Variants in SLC25A48 observed in about 807,000 individuals in gnomAD.
The protein encoded by SLC25A48 is CTC-321K16.1.
SLC25A48 carries 29 observed loss-of-function variants against 32.2 expected under a neutral mutation model. That is an observed-to-expected ratio of 0.90 (90% CI 0.67 to 1.23). The LOEUF (loss-of-function observed/expected upper bound fraction) is 1.23, where lower values mean the gene tolerates loss of function less well. Ranked by LOEUF, SLC25A48 falls within the 50% of genes most tolerant of loss-of-function variation. The pLI, the probability that SLC25A48 is intolerant of heterozygous loss-of-function variation, is 0.00. For synonymous variants in SLC25A48, 164 were observed against 172.3 expected, an observed-to-expected ratio of 0.95 and a Z score of 0.38; for missense variants, 399 against 422.7, an observed-to-expected ratio of 0.94 and a Z score of 0.49.
intron 3 of SLC25A48, among the ~76,000 whole-genome samples, chr5:135,767,108 G>T (rs1469718674): frequency 1.5e-5 from 2 of 136,768 alleles, no homozygotes; most frequent in Non-Finnish European, 1.6e-5. Flanking sequence ...AGCGCTGGGG[G>T]TGTACATTCC....
At chr5:135,776,336 T>C (rs1243659255) in intron 3 of SLC25A48, among the ~76,000 whole-genome samples, 1 of 151,636 alleles carries the variant, frequency 6.6e-6, no homozygotes, top group Non-Finnish European at 1.5e-5. Flanking sequence ...ACCTGTGATA[T>C]TGTTTTTAAT....
intron 4 of SLC25A48, among the ~76,000 whole-genome samples, chr5:135,815,861 C>T (rs1738055165): frequency 6.6e-6 from 1 of 152,140 alleles, no homozygotes; most frequent in South Asian, 2.1e-4. Context: ...AAAAAATCTA[C>T]TCACTCTTGT....
chr5:135,888,189 TG>T lies in SLC25A48; in HGVS notation c.*168del. ...ACACTGACGTGGCCCTTCTGATGCC[TG>T]GGATGCCTCATGAGTCACTGATTCA... On this transcript the variant is annotated 3_prime_UTR_variant, in exon 8 of 8. Transcript: ENST00000681962. 1 of 1,096,214 alleles carries T rather than the reference TG, an allele frequency of 9.1e-7. No individual in the cohort carries two copies. The allele number at this position is 1,096,214 out of a possible 1,614,324, so 67.9% of individuals were successfully genotyped here.
intron 7 of SLC25A48, among the ~76,000 whole-genome samples, chr5:135,881,327 T>TC (rs1762458605): frequency 6.6e-6 from 1 of 152,180 alleles, no homozygotes; most frequent in Non-Finnish European, 1.5e-5. Context: ...GCAGGGGCAT[T>TC]CTCGGGACGG....
At chr5:135,611,772 G>A (rs1752078607) in intron 1 of SLC25A48, among the ~76,000 whole-genome samples, 1 of 152,066 alleles carries the variant, frequency 6.6e-6, no homozygotes, top group Non-Finnish European at 1.5e-5. Context: ...GTAGAAAATA[G>A]GGAAAGAATA....
intron 4 of SLC25A48, among the ~76,000 whole-genome samples, chr5:135,863,610 C>T (rs994796969): frequency 2.1e-4 from 32 of 152,278 alleles, no homozygotes; most frequent in African/African-American, 6.7e-4. Flanking sequence ...CGTTAATGCC[C>T]ATTCCATTAT....
intron 3 of SLC25A48, among the ~76,000 whole-genome samples, chr5:135,637,870 T>A (rs4976310): frequency 0.45 from 67,917 of 152,048 alleles, 15,660 homozygotes; most frequent in Non-Finnish European, 0.5. Context: ...GTTGTTGTTG[T>A]TGTAGCTCAA....
At chr5:135,722,930 G>A (rs1011102275) in intron 3 of SLC25A48, among the ~76,000 whole-genome samples, 4 of 152,194 alleles carry the variant, frequency 2.6e-5, no homozygotes, top group Non-Finnish European at 5.9e-5. Context: ...GGAATGAAGC[G>A]CTCCATGCTG....
chr5:135,759,217 C>T (rs552881693), intron 3 of SLC25A48, among the ~76,000 whole-genome samples: 1 of 152,082 alleles, frequency 6.6e-6, no homozygotes, highest in East Asian at 1.9e-4. Context: ...TTTATGATAT[C>T]TGTGTGTGTA....
intron 3 of SLC25A48, chr5:135,742,728 TAG>T: frequency 2.6e-6 from 1 of 382,206 alleles, no homozygotes; most frequent in Non-Finnish European, 4.8e-6. Flanking sequence ...TAGTCAACAG[TAG>T]AAGTAAGTGC....
At chr5:135,783,324 TAC>T (rs1360300358) in intron 3 of SLC25A48, among the ~76,000 whole-genome samples, 1 of 117,246 alleles carries the variant, frequency 8.5e-6, no homozygotes, top group Non-Finnish European at 2.1e-5. Context: ...GCAGGGGGTG[TAC>T]AATCCCCACT....
intron 3 of SLC25A48, among the ~76,000 whole-genome samples, chr5:135,657,352 T>A (rs1056832895): frequency 5.3e-5 from 8 of 152,240 alleles, no homozygotes; most frequent in African/African-American, 1.9e-4. Context: ...CTCAGAATGC[T>A]GTAGAACAGG....
Position 135,629,228 on chromosome 5 carries a change from C to CT in SLC25A48, c.-848-3dup, listed in dbSNP as rs1201980557. 2.0e-5 allele frequency: 3 copies of CT among 151,948 alleles called. No homozygotes were observed. Among genetic ancestry groups the CT allele is most frequent in the Non-Finnish European group, 2.9e-5 (2 of 67,954 alleles). The allele number at this position is 151,948 out of a possible 1,614,324, so 9.4% of individuals were successfully genotyped here. On this transcript the variant is annotated splice_polypyrimidine_tract_variant and intron_variant, in intron 1 of 10. Coordinates refer to the SLC25A48 transcript ENST00000646290. This position sits in a 1 kb window ranked among gnomAD's most constrained non-coding sequence, Gnocchi z 4.8. Reference sequence around the variant, plus strand: ...TATAGCCTTTTTCTTTTTTCTTTTTCTTTTTTAGCAGCCCAGCTTAAAGAA... The same window carrying CT: ...TATAGCCTTTTTCTTTTTTCTTTTTCTTTTTTTAGCAGCCCAGCTTAAAGAA...
intron 3 of SLC25A48, among the ~76,000 whole-genome samples, chr5:135,682,581 A>G (rs1256779481): frequency 6.6e-6 from 1 of 152,218 alleles, no homozygotes; most frequent in Non-Finnish European, 1.5e-5. Flanking sequence ...TAATCACCAC[A>G]ATACTTTGGC....
rs546700816 is a variant in SLC25A48 at position 135,595,468 on chromosome 5, T to C, written c.-849+15871T>C. Among the ~76,000 whole-genome samples the C allele has an allele frequency of 2.6e-5, 4 of 152,316 alleles. No homozygotes were observed. In the East Asian group the frequency reaches 7.7e-4, roughly 29 times the overall value. ...GGACAGACACCACTCACCATGGACA[T>C]AGGCTCACCTATCCAGGGAACTCCC... On this transcript the variant is annotated intron_variant, in intron 1 of 10. Coordinates refer to the SLC25A48 transcript ENST00000646290.
chr5:135,850,299 G>T, intron 2 of SLC25A48, 126 bp from the exon 3 acceptor site: 1 of 880,318 alleles, frequency 1.1e-6, no homozygotes, highest in South Asian at 1.5e-5. Context: ...GCCTGGCCAG[G>T]ACTGAAACCC....
intron 1 of SLC25A48, among the ~76,000 whole-genome samples, chr5:135,581,494 T>C (rs547513918): frequency 2.0e-5 from 3 of 152,262 alleles, no homozygotes; most frequent in South Asian, 2.1e-4. Context: ...CAAGCTTTCC[T>C]AGAGCATGTA....
rs1339188422 is a variant in SLC25A48 at position 135,871,446 on chromosome 5, C to T, written c.422-15C>T. ...CCCTGGGTCACTTGCCACCTTCTCTCCCCTGTCTTTGCAGCCAACCTCGGT... is the reference window on the plus strand; with the variant it reads ...CCCTGGGTCACTTGCCACCTTCTCTTCCCTGTCTTTGCAGCCAACCTCGGT... On this transcript the variant is annotated splice_polypyrimidine_tract_variant and intron_variant, in intron 4 of 7. Coordinates refer to ENST00000681962, the MANE Select transcript of SLC25A48 (RefSeq NM_001349336.2). The T allele has an allele frequency of 6.4e-7, 1 of 1,571,576 alleles. No individual in the cohort carries two copies. Among genetic ancestry groups the T allele is most frequent in the Admixed American group, 1.7e-5 (1 of 58,000 alleles).
intron 4 of SLC25A48, among the ~76,000 whole-genome samples, chr5:135,858,048 C>T (rs1005727813): frequency 2.6e-5 from 4 of 152,124 alleles, no homozygotes; most frequent in Non-Finnish European, 5.9e-5. Flanking sequence ...TAAGATTCCC[C>T]GAGCCTCCTG....
Sources: allele counts gnomAD v4.1 joint callset (sites outside exome capture counted in the v4.1 genomes callset), GRCh38; gene constraint gnomAD v4.1.1; non-coding constraint Gnocchi (gnomAD v3.1); transcripts MANE v1.5; gene names NCBI Gene and HGNC (gene_info 2026-07-23, HGNC 2026-07-21).